The following KLF13 variants were observed in gnomAD, a reference collection of about 807,000 sequenced individuals.
The protein encoded by KLF13 is Krueppel-like factor 13.
In KLF13, 8 loss-of-function variants were observed where a neutral mutation model predicts 16.7. The ratio of observed to expected loss-of-function variants is 0.48; its 90% CI spans 0.28 to 0.87. The LOEUF (loss-of-function observed/expected upper bound fraction) is 0.87. KLF13 is among the 40% of genes least tolerant of loss of function. The probability of loss-of-function intolerance (pLI) is 0.10; values close to 1 mark genes in which losing one functional copy is unlikely to be tolerated. For synonymous variants in KLF13, 245 were observed against 208.4 expected (o/e 1.18, Z -1.51); for missense variants, 447 against 452.2 (o/e 0.99, Z 0.10).
chr15:31,382,650 C>T (rs1349963607), downstream of KLF13, among the ~76,000 whole-genome samples: 3 of 152,296 alleles, frequency 2.0e-5, no homozygotes, highest in East Asian at 3.9e-4. Context: ...GTGTCCAATG[C>T]AATGTCCTCT....
chr15:31,384,348 CTT>C (rs2039769127), intron 1 of KLF13, among the ~76,000 whole-genome samples: 1 of 151,994 alleles, frequency 6.6e-6, no homozygotes, highest in Admixed American at 6.6e-5. Flanking sequence ...AGGAGAATGG[CTT>C]AAACCCTGGA....
At chr15:31,328,173 G>C (rs530969436) in intron 1 of KLF13, among the ~76,000 whole-genome samples, 10 of 150,244 alleles carry the variant, frequency 6.7e-5, no homozygotes, top group African/African-American at 2.4e-4. Flanking sequence ...ACGGTGGGGC[G>C]CCCGGAGCGG....
At chr15:31,389,747 G>C (rs1027271931), upstream of KLF13, among the ~76,000 whole-genome samples, 1 of 152,046 alleles carries the variant, frequency 6.6e-6, no homozygotes, top group Non-Finnish European at 1.5e-5. Flanking sequence ...CAGTGGATTC[G>C]AACTGCAACA....
intron 1 of KLF13, among the ~76,000 whole-genome samples, chr15:31,435,010 T>G (rs2040513145): frequency 6.6e-6 from 1 of 152,206 alleles, no homozygotes; most frequent in Non-Finnish European, 1.5e-5. Flanking sequence ...GTCAGAAATA[T>G]TCCTTTCCTT....
intron 1 of KLF13, among the ~76,000 whole-genome samples, chr15:31,339,190 A>G (rs889367959): frequency 4.6e-5 from 7 of 152,066 alleles, no homozygotes; most frequent in Non-Finnish European, 1.5e-5. Context: ...CATGGCTCCA[A>G]GTGCTCCTGG....
At chr15:31,402,738 G>A (rs565071519) in intron 2 of KLF13, among the ~76,000 whole-genome samples, 6 of 152,276 alleles carry the variant, frequency 3.9e-5, no homozygotes, top group Admixed American at 6.5e-5. Flanking sequence ...TCAGTTCTGC[G>A]GCTCATTAGT....
chr15:31,358,257 C>G (rs2039331333), intron 1 of KLF13, among the ~76,000 whole-genome samples: 1 of 152,136 alleles, frequency 6.6e-6, no homozygotes, highest in South Asian at 2.1e-4. Flanking sequence ...AGGAGGGGGT[C>G]CAAACCTAAG....
intron 2 of KLF13, among the ~76,000 whole-genome samples, chr15:31,398,469 C>G (rs1174055048): frequency 1.3e-5 from 2 of 152,044 alleles, no homozygotes; most frequent in African/African-American, 4.8e-5. Context: ...TGGGGCCAAC[C>G]CCGCAGCCTA....
chr15:31,356,647 G>A (rs190156191), intron 1 of KLF13, among the ~76,000 whole-genome samples: 10 of 152,340 alleles, frequency 6.6e-5, no homozygotes, highest in Admixed American at 6.5e-4. Flanking sequence ...TTATATGTCT[G>A]GAAATGTCTT....
At chr15:31,327,953 G>A (rs2140925495) in intron 1 of KLF13, among the ~76,000 whole-genome samples, 164 bp downstream of exon 1, 1 of 147,902 alleles carries the variant, frequency 6.8e-6, no homozygotes, top group Non-Finnish European at 1.5e-5. Context: ...GGCTGGCCCC[G>A]CGCGTCGCGC....
intron 1 of KLF13, among the ~76,000 whole-genome samples, chr15:31,340,886 A>T (rs2140938811): frequency 6.6e-6 from 1 of 152,268 alleles, no homozygotes; most frequent in East Asian, 1.9e-4. Context: ...AAAGAAAAAA[A>T]TCTCAAGTCA....
downstream of KLF13, among the ~76,000 whole-genome samples, chr15:31,407,800 A>G (rs2040146579): frequency 6.6e-6 from 1 of 152,088 alleles, no homozygotes; most frequent in Admixed American, 6.5e-5. Flanking sequence ...AAATTATTTG[A>G]CTCTTTCTAC....
intron 1 of KLF13, among the ~76,000 whole-genome samples, chr15:31,339,321 A>T (rs984418075): frequency 1.3e-5 from 2 of 152,192 alleles, no homozygotes; most frequent in African/African-American, 4.8e-5. Flanking sequence ...ATAATTTCTT[A>T]ATAAACATTT....
chr15:31,394,544 G>A (rs921143865), intron 2 of KLF13, among the ~76,000 whole-genome samples: 2 of 151,928 alleles, frequency 1.3e-5, no homozygotes, highest in African/African-American at 4.8e-5. Flanking sequence ...GAGTGTGGGT[G>A]TGTATTTTAT....
chr15:31,420,037 T>G (rs1160279407), intron 1 of KLF13: 6 of 318,874 alleles, frequency 1.9e-5, no homozygotes, highest in Non-Finnish European at 3.6e-5. Context: ...AGATGTTATA[T>G]TCAAAGTGCT....
chr15:31,397,100 T>C (rs2039961841), intron 2 of KLF13, among the ~76,000 whole-genome samples: 1 of 151,594 alleles, frequency 6.6e-6, no homozygotes, highest in South Asian at 2.1e-4. Flanking sequence ...CCAGTCCAGG[T>C]TTTTCGTTTG....
intron 1 of KLF13, among the ~76,000 whole-genome samples, chr15:31,339,652 C>G (rs1341548869): frequency 6.6e-6 from 1 of 152,256 alleles, no homozygotes; most frequent in Non-Finnish European, 1.5e-5. Context: ...TGACTGAGCC[C>G]GAGGAGCGCC....
intron 1 of KLF13, among the ~76,000 whole-genome samples, chr15:31,429,432 GA>G (rs1252717218): frequency 2.6e-5 from 4 of 152,190 alleles, no homozygotes; most frequent in African/African-American, 9.6e-5. Flanking sequence ...GGGGCTGGAA[GA>G]GGGGGGAATA....
rs149572136 is a variant in KLF13 at position 31,361,237 on chromosome 15, G to A, written c.578-10773G>A. Among the ~76,000 whole-genome samples, 606 of 152,314 alleles carry A rather than the reference G, an allele frequency of 4.0e-3. 3 individuals are homozygous for A. The highest frequency in any genetic ancestry group is 0.014 in the African/African-American group (572 of 41,564). On this transcript the variant is annotated intron_variant, in intron 1 of 1. Transcript: ENST00000307145. ...TGCCCCTGCTTGCTCCTCCTGGAAC[G>A]TGAACGTGGGCAGCAGTGTTCCTGT...
Sources: allele counts gnomAD v4.1 joint callset (sites outside exome capture counted in the v4.1 genomes callset), GRCh38; gene constraint gnomAD v4.1.1; transcripts MANE v1.5; gene names NCBI Gene and HGNC (gene_info 2026-07-23, HGNC 2026-07-21).